EPHA5: variants seen among roughly 807,000 people sequenced by gnomAD.
The protein encoded by EPHA5 is EPH receptor A5, also known as ephrin type-A receptor 5.
In EPHA5, 60 loss-of-function variants were observed where a neutral mutation model predicts 105.0. That is an observed-to-expected ratio of 0.57 (90% CI 0.46 to 0.71). EPHA5 has a LOEUF of 0.71. EPHA5 is among the 30% of genes least tolerant of loss of function. The pLI is 0.00. For synonymous variants in EPHA5, 513 were observed against 449.1 expected, an observed-to-expected ratio of 1.14 and a Z score of -1.80; for missense variants, 1,218 against 1,274.7, an observed-to-expected ratio of 0.96 and a Z score of 0.68.
At chr4:65,565,379 T>C (rs544282108) in intron 3 of EPHA5, among the ~76,000 whole-genome samples, 2 of 151,904 alleles carry the variant, frequency 1.3e-5, no homozygotes, top group South Asian at 4.1e-4. Context: ...GTATTTCATT[T>C]TGAAACTTCT....
At chr4:65,555,155 A>T (rs1223627712) in intron 3 of EPHA5, among the ~76,000 whole-genome samples, 1 of 151,906 alleles carries the variant, frequency 6.6e-6, no homozygotes, top group African/African-American at 2.4e-5. Flanking sequence ...AATGCTGAAC[A>T]TGTTTTGTCC....
chr4:65,349,176 G>T (rs1722582725), intron 13 of EPHA5, among the ~76,000 whole-genome samples: 3 of 151,922 alleles, frequency 2.0e-5, no homozygotes, highest in Non-Finnish European at 4.4e-5. Flanking sequence ...ATTTCTTTTA[G>T]ACTTGCTTTT....
chr4:65,501,528 C>G (rs1732488796), intron 3 of EPHA5, among the ~76,000 whole-genome samples: 2 of 151,478 alleles, frequency 1.3e-5, no homozygotes, highest in Non-Finnish European at 3.0e-5. Flanking sequence ...AATAAAATAC[C>G]TAGGAATACA....
intron 8 of EPHA5, among the ~76,000 whole-genome samples, chr4:65,374,922 C>T (rs1461628903): frequency 6.6e-6 from 1 of 151,834 alleles, no homozygotes; most frequent in African/African-American, 2.4e-5. Context: ...ATTTTACTGA[C>T]TCTCCTAGAT....
At chr4:65,334,463 T>A (rs1022736886) in intron 15 of EPHA5, among the ~76,000 whole-genome samples, 1 of 151,964 alleles carries the variant, frequency 6.6e-6, no homozygotes, top group Non-Finnish European at 1.5e-5. Flanking sequence ...GATTTGAGAA[T>A]AAAATCATTG....
chr4:65,416,343 G>A (rs1723380422), intron 6 of EPHA5, among the ~76,000 whole-genome samples: 1 of 151,992 alleles, frequency 6.6e-6, no homozygotes, highest in Non-Finnish European at 1.5e-5. Flanking sequence ...CCTTAAAATG[G>A]AGATAAAATT....
chr4:65,571,182 T>C (rs1419687371), intron 3 of EPHA5, among the ~76,000 whole-genome samples: 1 of 151,958 alleles, frequency 6.6e-6, no homozygotes, highest in Non-Finnish European at 1.5e-5. Flanking sequence ...AATAGGAAGA[T>C]TTATGGAAGT....
intron 3 of EPHA5, among the ~76,000 whole-genome samples, chr4:65,559,558 G>A (rs1738799905): frequency 1.3e-5 from 2 of 152,106 alleles, no homozygotes; most frequent in Non-Finnish European, 2.9e-5. Flanking sequence ...GCAAAACAGT[G>A]TGACCACGGA....
chr4:65,461,726 T>G (rs1257090871), intron 5 of EPHA5, among the ~76,000 whole-genome samples: 3 of 151,968 alleles, frequency 2.0e-5, no homozygotes, highest in Admixed American at 1.3e-4. Flanking sequence ...ATTTAATGGG[T>G]ACAGCAAAAC....
intron 5 of EPHA5, among the ~76,000 whole-genome samples, chr4:65,467,302 A>T (rs937680054): frequency 3.9e-5 from 6 of 152,186 alleles, no homozygotes; most frequent in African/African-American, 1.4e-4. Flanking sequence ...GTATTCCAAC[A>T]GTGGTAGATT....
At chr4:65,541,663 C>T (rs1736847951) in intron 3 of EPHA5, among the ~76,000 whole-genome samples, 1 of 151,950 alleles carries the variant, frequency 6.6e-6, no homozygotes, top group Admixed American at 6.6e-5. Flanking sequence ...GAGAATCTAA[C>T]ACCCCACTGT....
chr4:65,328,796 G>A (rs570648218), intron 16 of EPHA5, among the ~76,000 whole-genome samples: 271 of 151,258 alleles, frequency 1.8e-3, no homozygotes, highest in African/African-American at 5.8e-3. Flanking sequence ...CTAGAACACA[G>A]AGGACTGTAG....
rs183191125 is a variant in EPHA5, at chr4:65,401,689, C to T, written c.1793+2685G>A. On this transcript the variant is annotated intron_variant, in intron 8 of 16. Coordinates refer to ENST00000613740, the MANE Select transcript of EPHA5 (RefSeq NM_001281766.3). ...AATTTTAATATGAATGAACAATGTACTAATTGCTAAGATGTTGCTGTTTTT... is the reference window on the plus strand; with the variant it reads ...AATTTTAATATGAATGAACAATGTATTAATTGCTAAGATGTTGCTGTTTTT... Among the ~76,000 whole-genome samples the T allele has an allele frequency of 2.1e-3, 316 of 152,118 alleles. 1 individual carries two copies. Among genetic ancestry groups the T allele is most frequent in the South Asian group, 3.7e-3 (18 of 4,826 alleles).
At chr4:65,612,016 C>CAAAAAA (rs1167342911) in intron 2 of EPHA5, among the ~76,000 whole-genome samples, 1 of 58,104 alleles carries the variant, frequency 1.7e-5, no homozygotes, top group African/African-American at 7.1e-5. Flanking sequence ...GACCCTCTCT[C>CAAAAAA]AAAAAAAAAA....
At position 65,541,227 on chromosome 4, in the gene EPHA5, G is replaced by A. The variant is rs148089393; in HGVS notation, c.911-45684C>T. On this transcript the variant is annotated intron_variant, in intron 3 of 16. Transcript: ENST00000613740. ...AAAAATAACTAGATAGTATCAGGATGATAGGATAAAATTCACATATAACAA... is the reference window on the plus strand; with the variant it reads ...AAAAATAACTAGATAGTATCAGGATAATAGGATAAAATTCACATATAACAA... 3.3e-3 allele frequency among the ~76,000 whole-genome samples: 502 copies of A among 151,844 alleles called. 14 individuals are homozygous for A. The highest frequency in any genetic ancestry group is 0.032 in the Admixed American group (479 of 15,162).
intron 14 of EPHA5, among the ~76,000 whole-genome samples, chr4:65,345,687 G>A (rs1299575262): frequency 6.6e-6 from 1 of 152,248 alleles, no homozygotes; most frequent in East Asian, 1.9e-4. Context: ...TAACTCACTT[G>A]AGAACTAATG....
intron 3 of EPHA5, among the ~76,000 whole-genome samples, chr4:65,534,710 C>T (rs926640205): frequency 5.3e-5 from 8 of 152,066 alleles, no homozygotes; most frequent in South Asian, 2.1e-4. Context: ...TGACTCAGGC[C>T]GGGAGAAGTA....
chr4:65,620,408 C>A lies in EPHA5; in HGVS notation c.247-18104G>T, dbSNP rs562957442. On this transcript the variant is annotated intron_variant, in intron 2 of 16. Coordinates refer to ENST00000613740, the MANE Select transcript of EPHA5 (RefSeq NM_001281766.3). ...CAGATTCCTATAAAAAATGTCTTAA[C>A]ACCAATCCAATAAATGTGATGACAT... is the stretch of plus-strand genomic sequence containing the variant. 6.6e-5 allele frequency among the ~76,000 whole-genome samples: 10 copies of A among 152,098 alleles called. No individual in the cohort carries two copies. In the South Asian group the frequency reaches 2.1e-3, roughly 32 times the overall value.
chr4:65,520,059 T>C (rs984180241), intron 3 of EPHA5, among the ~76,000 whole-genome samples: 4 of 152,074 alleles, frequency 2.6e-5, no homozygotes, highest in South Asian at 4.1e-4. Flanking sequence ...AAAAAGAGCC[T>C]GCATTGCCAA....
Sources: allele counts gnomAD v4.1 joint callset (sites outside exome capture counted in the v4.1 genomes callset), GRCh38; gene constraint gnomAD v4.1.1; transcripts MANE v1.5; gene names NCBI Gene and HGNC (gene_info 2026-07-23, HGNC 2026-07-21).